The following WWOX variants were observed in gnomAD, a reference collection of about 807,000 sequenced individuals.
The protein encoded by WWOX is WW domain-containing oxidoreductase.
In WWOX, 69 loss-of-function variants were observed where a neutral mutation model predicts 46.2. That is an observed-to-expected ratio of 1.49 (90% CI 1.23 to 1.82). WWOX has a LOEUF of 1.82. Among genes scored for constraint, WWOX ranks in the 40% most tolerant of loss-of-function variants. WWOX has a pLI of 0.00. For missense variants in WWOX, 919 were observed against 542.6 expected, an observed-to-expected ratio of 1.69 and a Z score of -6.89; for synonymous variants, 359 against 202.6, an observed-to-expected ratio of 1.77 and a Z score of -6.56.
intron 8 of WWOX, among the ~76,000 whole-genome samples, chr16:78,981,356 G>C (rs2046678240): frequency 6.6e-6 from 1 of 152,046 alleles, no homozygotes; most frequent in South Asian, 2.1e-4. Context: ...ATCTCTTTAG[G>C]GCAGAGTAGG....
chr16:78,392,277 G>C (rs1001865003), intron 6 of WWOX, among the ~76,000 whole-genome samples: 3 of 152,018 alleles, frequency 2.0e-5, no homozygotes, highest in African/African-American at 7.2e-5. Context: ...CCTATTGTGA[G>C]CCACACATGC....
intron 8 of WWOX, among the ~76,000 whole-genome samples, chr16:78,900,779 G>A (rs766478551): frequency 3.3e-5 from 5 of 150,946 alleles, no homozygotes; most frequent in African/African-American, 7.3e-5. Flanking sequence ...TCATGCTAAC[G>A]TAATAACCTC....
At chr16:78,278,580 T>A in intron 5 of WWOX, 1 of 1,600,090 alleles carries the variant, frequency 6.2e-7, no homozygotes, top group Non-Finnish European at 8.6e-7. Context: ...TTTACACAAC[T>A]GTCTTTTGTT....
chr16:78,912,642 A>C (rs945838925), intron 8 of WWOX, among the ~76,000 whole-genome samples: 22 of 151,970 alleles, frequency 1.4e-4, no homozygotes, highest in Admixed American at 7.2e-4. Flanking sequence ...CTTATCATTT[A>C]ATGTCCCCTT....
intron 8 of WWOX, among the ~76,000 whole-genome samples, chr16:79,093,243 G>T (rs1404351193): frequency 1.3e-5 from 2 of 152,160 alleles, no homozygotes; most frequent in Non-Finnish European, 2.9e-5. Flanking sequence ...GGTGGGGAGA[G>T]AGGCAGATTT....
At chr16:79,077,632 A>G (rs2048682515) in intron 8 of WWOX, 1 of 136,382 alleles carries the variant, frequency 7.3e-6, no homozygotes, top group African/African-American at 2.7e-5. Context: ...ATGTCCTTAA[A>G]TGGTCCCCCC....
intron 8 of WWOX, among the ~76,000 whole-genome samples, chr16:78,690,168 C>G (rs1468624314): frequency 6.6e-6 from 1 of 152,088 alleles, no homozygotes; most frequent in Non-Finnish European, 1.5e-5. Flanking sequence ...GCCAGGATAA[C>G]TTTTTAACAA....
At chr16:78,607,812 G>C (rs2045798572) in intron 8 of WWOX, among the ~76,000 whole-genome samples, 1 of 151,904 alleles carries the variant, frequency 6.6e-6, no homozygotes, top group African/African-American at 2.4e-5. Context: ...CGTGTCTTTT[G>C]GTGCCACGGA....
At chr16:78,943,925 C>T (rs1036021825) in intron 8 of WWOX, among the ~76,000 whole-genome samples, 3 of 152,204 alleles carry the variant, frequency 2.0e-5, no homozygotes, top group Admixed American at 2.0e-4. Context: ...TCCTGCTACC[C>T]AAGGCCTCCA....
chr16:78,618,130 G>T (rs984245351), intron 8 of WWOX, among the ~76,000 whole-genome samples: 19 of 152,166 alleles, frequency 1.2e-4, no homozygotes, highest in African/African-American at 4.3e-4. Context: ...AAGGCTTGGA[G>T]GCAGGAAATC....
intron 8 of WWOX, among the ~76,000 whole-genome samples, chr16:78,556,322 C>T (rs879526961): frequency 9.3e-5 from 14 of 150,880 alleles, no homozygotes; most frequent in South Asian, 4.2e-4. Context: ...CGATTGGGAA[C>T]GCTTGGCTTG....
chr16:78,794,660 A>C (rs62038632), intron 8 of WWOX, among the ~76,000 whole-genome samples: 5,452 of 152,366 alleles, frequency 0.036, 124 homozygotes, highest in Non-Finnish European at 0.052. Context: ...TTGGTAAGTT[A>C]TAGCTGTTGC....
chr16:78,312,087 C>T (rs531963177), intron 5 of WWOX, among the ~76,000 whole-genome samples: 40 of 152,292 alleles, frequency 2.6e-4, no homozygotes, highest in African/African-American at 9.1e-4. Flanking sequence ...GTCTCTGGTT[C>T]TTTGTCTTTT....
intron 8 of WWOX, among the ~76,000 whole-genome samples, chr16:79,075,911 G>A (rs890955809): frequency 1.3e-5 from 2 of 152,132 alleles, no homozygotes; most frequent in African/African-American, 4.8e-5. Flanking sequence ...TGACTGTAAA[G>A]GGCAGACTTA....
chr16:78,126,013 G>A (rs1276280529), intron 4 of WWOX, among the ~76,000 whole-genome samples: 1 of 152,012 alleles, frequency 6.6e-6, no homozygotes, highest in East Asian at 1.9e-4. Context: ...TTAATATTTA[G>A]CATGTATGAT....
chr16:78,227,680 C>T (rs1009653395), intron 5 of WWOX, among the ~76,000 whole-genome samples: 2 of 152,052 alleles, frequency 1.3e-5, no homozygotes, highest in African/African-American at 2.4e-5. Context: ...AGTTTGAGAC[C>T]AGCCTGGCTA....
intron 8 of WWOX, among the ~76,000 whole-genome samples, chr16:78,901,681 G>GT (rs1284084428): frequency 6.6e-6 from 1 of 152,166 alleles, no homozygotes; most frequent in African/African-American, 2.4e-5. Context: ...TAGTAACACG[G>GT]TTTTTTCATG....
chr16:78,433,515 G>A (rs2083269009), intron 8 of WWOX, among the ~76,000 whole-genome samples: 1 of 152,106 alleles, frequency 6.6e-6, no homozygotes, highest in African/African-American at 2.4e-5. Flanking sequence ...TCCTATTAGT[G>A]GACACCAGTA....
At chr16:78,883,439 A>G (rs564460736) in intron 8 of WWOX, among the ~76,000 whole-genome samples, 11 of 152,254 alleles carry the variant, frequency 7.2e-5, no homozygotes, top group East Asian at 5.8e-4. Flanking sequence ...TAAGCATACC[A>G]TGGGCTGGGC....
Sources: gnomAD v4.1 joint callset for allele counts (sites outside exome capture counted in the v4.1 genomes callset) on GRCh38, gnomAD v4.1.1 for gene constraint, MANE v1.5 for transcripts, NCBI Gene and HGNC (gene_info 2026-07-23, HGNC 2026-07-21) for gene names.